OR11H4: variants seen among roughly 807,000 people sequenced by gnomAD.
OR11H4 encodes the protein olfactory receptor 11H4.
For synonymous variants in OR11H4, 162 were observed against 142.3 expected (o/e 1.14, Z -0.98); for missense variants, 460 against 371.1 (o/e 1.24, Z -1.97).
At chr14:20,239,488 A>T (rs1880868230) in intron 1 of OR11H4, among the ~76,000 whole-genome samples, 157 bp downstream of exon 1, 1 of 151,996 alleles carries the variant, frequency 6.6e-6, no homozygotes, top group South Asian at 2.1e-4. Flanking sequence ...AGGTCAGGAG[A>T]TCCAGACCAT....
In OR11H4 at chr14:20,243,909, C is replaced by T. The variant is rs747516196; in HGVS notation, c.*143C>T. 3.8e-5 allele frequency: 28 copies of T among 735,016 alleles called. No homozygotes were observed. The highest frequency in any genetic ancestry group is 5.6e-5 in the Non-Finnish European group (27 of 482,232). The allele number at this position is 735,016 out of a possible 1,614,324, so 45.5% of individuals were successfully genotyped here. ...AAGTGTGCCCAGCTTAAATATGTTT[C>T]CAGCACTGACTCTTTAAACCTTAAT... is the stretch of plus-strand genomic sequence containing the variant. On this transcript the variant is annotated 3_prime_UTR_variant, in exon 2 of 2. Coordinates refer to ENST00000641082, the MANE Select transcript of OR11H4 (RefSeq NM_001004479.2).
At position 20,243,519 on chromosome 14, in the gene OR11H4, G is replaced by C. The variant is rs1336833934; in HGVS notation, c.698G>C (p.Gly233Ala). Residue 233 changes from glycine to alanine, a missense_variant, in exon 2 of 2, where the codon GGT becomes GCT. Transcript: ENST00000641082. ...TAVFQVPSAA[G>A]RRKAFSTCGS... ...GTTTTTCAGGTCCCTTCTGCAGCTG[G>C]TCGGAGAAAAGCCTTCTCTACCTGT... The C allele has an allele frequency of 2.5e-6, 4 of 1,613,616 alleles. No homozygotes were observed. Among genetic ancestry groups the C allele is most frequent in the Non-Finnish European group, 3.4e-6 (4 of 1,179,906 alleles).
In OR11H4 at chr14:20,243,034, C is replaced by G. The variant is rs2138752219; in HGVS notation, c.213C>G (p.Ile71Met). The change falls in exon 2 of 2, where the codon ATC becomes ATG. Residue 71 changes from isoleucine (I) to methionine (M), a missense_variant. Coordinates refer to ENST00000641082, the MANE Select transcript of OR11H4 (RefSeq NM_001004479.2). ...FLLGNFAFLEIWYVSSTIPNM... is the reference protein window; with the variant it reads ...FLLGNFAFLEMWYVSSTIPNM... ...TGGGAAATTTTGCCTTCCTTGAGAT[C>G]TGGTATGTGTCCTCCACTATTCCTA... is the stretch of plus-strand genomic sequence containing the variant. The G allele has an allele frequency of 6.2e-7, 1 of 1,614,192 alleles. No individual in the cohort carries two copies.
chr14:20,241,049 C>T (rs148826325), intron 1 of OR11H4, among the ~76,000 whole-genome samples: 1 of 152,178 alleles, frequency 6.6e-6, no homozygotes, highest in African/African-American at 2.4e-5. Context: ...ACCTTCCTTT[C>T]AGTAAACAAA....
At chr14:20,239,609 G>C (rs966007850) in intron 1 of OR11H4, among the ~76,000 whole-genome samples, 6 of 152,180 alleles carry the variant, frequency 3.9e-5, no homozygotes, top group African/African-American at 1.4e-4. Context: ...CAGAAGAATG[G>C]CGTGAACCCG....
At chr14:20,240,740 C>G (rs1158925051) in intron 1 of OR11H4, among the ~76,000 whole-genome samples, 3 of 151,772 alleles carry the variant, frequency 2.0e-5, no homozygotes, top group Admixed American at 6.6e-5. Context: ...CCACACCCAG[C>G]TAATTTTTGT....
At chr14:20,242,020 C>T (rs1312583659) in intron 1 of OR11H4, among the ~76,000 whole-genome samples, 2 of 151,956 alleles carry the variant, frequency 1.3e-5, no homozygotes, top group African/African-American at 4.8e-5. Flanking sequence ...AATGTACAAT[C>T]GGGTTTTATA....
chr14:20,241,764 A>G (rs1880926288), intron 1 of OR11H4, among the ~76,000 whole-genome samples: 1 of 152,086 alleles, frequency 6.6e-6, no homozygotes, highest in African/African-American at 2.4e-5. Context: ...ATTTCAGCAA[A>G]AAGGAATGTA....
Position 20,242,962 on chromosome 14 carries a change from T to C in OR11H4, c.141T>C (p.Tyr47=). ...TGCTGGGAAATGGAGCCATCATCTATGCAGTGAGATGCAACCCACTACTAC... is the reference window on the plus strand; with the variant it reads ...TGCTGGGAAATGGAGCCATCATCTACGCAGTGAGATGCAACCCACTACTAC... ...LTLLGNGAII[Y]AVRCNPLLHT... The change falls in exon 2 of 2, where the codon TAT becomes TAC. Residue 47 remains tyrosine, a synonymous_variant. Coordinates refer to ENST00000641082, the MANE Select transcript of OR11H4 (RefSeq NM_001004479.2). The C allele has an allele frequency of 1.2e-6, 2 of 1,614,142 alleles. No individual in the cohort carries two copies. The highest frequency in any genetic ancestry group is 1.7e-6 in the Non-Finnish European group (2 of 1,180,004).
rs573192129 is a variant in OR11H4 at position 20,240,137 on chromosome 14, G to A, written c.-12+806G>A. ...ATCAAGCAGGCATTCAGAACAAAGG[G>A]CGGGAGGCTCAGATCTCACAATTCT... On this transcript the variant is annotated intron_variant, in intron 1 of 1. Coordinates refer to ENST00000641082, the MANE Select transcript of OR11H4 (RefSeq NM_001004479.2). Among the ~76,000 whole-genome samples, 11 of 152,272 alleles carry A rather than the reference G, an allele frequency of 7.2e-5. No individual in the cohort carries two copies. In the South Asian group the frequency reaches 1.0e-3, roughly 14 times the overall value.
intron 1 of OR11H4, among the ~76,000 whole-genome samples, chr14:20,239,794 T>A (rs1489316793): frequency 6.6e-6 from 1 of 152,130 alleles, no homozygotes; most frequent in Non-Finnish European, 1.5e-5. Context: ...GTTTGTGTCA[T>A]AAAATAATGA....
At position 20,243,385 on chromosome 14, in the gene OR11H4, C is replaced by T. The variant is rs1325557208; in HGVS notation, c.564C>T (p.Ser188=). 6 of 1,614,024 alleles carry T rather than the reference C, an allele frequency of 3.7e-6. No individual in the cohort carries two copies. The highest frequency in any genetic ancestry group is 5.1e-6 in the Non-Finnish European group (6 of 1,180,006). ...LCDMDPLMAL[S]CAPAPITECI... ...ACATGGACCCATTGATGGCTCTATC[C>T]TGTGCCCCAGCTCCCATAACTGAAT... is the stretch of plus-strand genomic sequence containing the variant. Residue 188 remains serine, a synonymous_variant, in exon 2 of 2, where the codon TCC becomes TCT. Transcript: ENST00000641082.
rs1332433077 is a variant in OR11H4 at position 20,243,061 on chromosome 14, C to T, written c.240C>T (p.Asn80=). 7 of 1,614,056 alleles carry T rather than the reference C, an allele frequency of 4.3e-6. No individual in the cohort carries two copies. The highest frequency in any genetic ancestry group is 5.9e-6 in the Non-Finnish European group (7 of 1,180,038). ...EIWYVSSTIP[N]MLVNILSKTK... is the part of the protein sequence containing the mutation. ...GGTATGTGTCCTCCACTATTCCTAA[C>T]ATGCTAGTCAACATTCTCTCCAAGA... Residue 80 remains asparagine, a synonymous_variant, in exon 2 of 2, where the codon AAC becomes AAT. Coordinates refer to ENST00000641082, the MANE Select transcript of OR11H4 (RefSeq NM_001004479.2).
Position 20,243,474 on chromosome 14 carries a change from A to C in OR11H4, c.653A>C (p.Tyr218Ser). The C allele has an allele frequency of 6.2e-7, 1 of 1,613,798 alleles. No individual in the cohort carries two copies. Among genetic ancestry groups the C allele is most frequent in the Non-Finnish European group, 8.5e-7 (1 of 1,179,916 alleles). ...ACTAGTATGTACATTCTTCGATCCT[A>C]TATCCTGTTACTAACAGCTGTTTTT... ...FFTSMYILRS[Y>S]ILLLTAVFQV... Residue 218 changes from tyrosine (Y) to serine (S), a missense_variant, in exon 2 of 2, where the codon TAT becomes TCT. Coordinates refer to ENST00000641082, the MANE Select transcript of OR11H4 (RefSeq NM_001004479.2).
At position 20,243,700 on chromosome 14, in the gene OR11H4, T is replaced by C. The variant is rs1880996031; in HGVS notation, c.879T>C (p.Arg293=). 3.7e-6 allele frequency: 6 copies of C among 1,607,826 alleles called. No homozygotes were observed. The East Asian group carries it at 1.3e-4, about 36-fold the overall frequency. ...TTAATCCTCTGATCTATACTCTTCGTAATAAGGACATGAAACTCGCTCTGA... is the reference window on the plus strand; with the variant it reads ...TTAATCCTCTGATCTATACTCTTCGCAATAAGGACATGAAACTCGCTCTGA... The part of the protein sequence containing the change: ...PLFNPLIYTL[R]NKDMKLALRN... Residue 293 remains arginine (R), a synonymous_variant, in exon 2 of 2, where the codon CGT becomes CGC. Transcript: ENST00000641082.
rs553897799 is a variant in OR11H4 at position 20,242,268 on chromosome 14, A to C, written c.-11-543A>C. ...AGGTCCCTGCAGCTTTCCACAGTGC[A>C]TTGTGCCCCTGGTTTATTGAGACTA... On this transcript the variant is annotated intron_variant, in intron 1 of 1. Transcript: ENST00000641082. 5.9e-5 allele frequency among the ~76,000 whole-genome samples: 9 copies of C among 152,182 alleles called. No individual in the cohort carries two copies. The South Asian group carries it at 1.9e-3, about 32-fold the overall frequency.
intron 1 of OR11H4, among the ~76,000 whole-genome samples, chr14:20,241,831 A>C (rs570457561): frequency 6.6e-6 from 1 of 152,212 alleles, no homozygotes; most frequent in East Asian, 1.9e-4. Flanking sequence ...TGAGCAGAAG[A>C]ATCTATGTCA....
Position 20,244,221 on chromosome 14 carries a change from CAAT to C in OR11H4, c.*460_*462del, listed in dbSNP as rs1396481292. ...CTATCTCAATTTTTTTTACTTACAA[CAAT>C]AATATGTGATTGTTGTAATAAATTC... On this transcript the variant is annotated 3_prime_UTR_variant, in exon 2 of 2. Transcript: ENST00000641082. 6.5e-6 allele frequency: 1 copy of C among 152,922 alleles called. No individual in the cohort carries two copies. Among genetic ancestry groups the C allele is most frequent in the African/African-American group, 2.4e-5 (1 of 41,426 alleles). 9.5% of individuals were successfully genotyped at this position (152,922 alleles called of 1,614,324 possible).
intron 1 of OR11H4, among the ~76,000 whole-genome samples, chr14:20,239,650 C>T (rs1880873572): frequency 1.3e-5 from 2 of 151,388 alleles, no homozygotes; most frequent in African/African-American, 4.9e-5. Context: ...GCCGAGATCG[C>T]GCCACTGCAC....
Sources: gnomAD v4.1 joint callset for allele counts (sites outside exome capture counted in the v4.1 genomes callset) on GRCh38, gnomAD v4.1.1 for gene constraint, MANE v1.5 for transcripts, NCBI Gene and HGNC (gene_info 2026-07-23, HGNC 2026-07-21) for gene names.